The following TUBGCP3 variants were observed in gnomAD, a reference collection of about 807,000 sequenced individuals.
TUBGCP3 encodes the protein gamma-tubulin complex component 3.
A neutral mutation model predicts 123.1 loss-of-function variants in TUBGCP3; 50 were observed. That is an observed-to-expected ratio of 0.41 (90% CI 0.32 to 0.51). The LOEUF (loss-of-function observed/expected upper bound fraction) is 0.51. Among genes scored for constraint, TUBGCP3 ranks in the 20% least tolerant of loss-of-function variants. The probability of loss-of-function intolerance (pLI) is 0.36; values close to 1 mark genes in which losing one functional copy is unlikely to be tolerated. For synonymous variants in TUBGCP3, 405 were observed against 413.9 expected, an observed-to-expected ratio of 0.98 and a Z score of 0.26; for missense variants, 882 against 1,127.0, an observed-to-expected ratio of 0.78 and a Z score of 3.11.
chr13:112,579,174 A>ACC (rs1376655945), intron 1 of TUBGCP3, among the ~76,000 whole-genome samples: 1 of 152,178 alleles, frequency 6.6e-6, no homozygotes, highest in Non-Finnish European at 1.5e-5. Context: ...ACACACACAC[A>ACC]AAGATGTTCA....
rs147267451 is a variant in TUBGCP3 at position 112,586,652 on chromosome 13, C to T, written c.76+1253G>A. 3.9e-5 allele frequency among the ~76,000 whole-genome samples: 6 copies of T among 152,248 alleles called. No individual in the cohort carries two copies. The East Asian group carries it at 1.2e-3, about 29-fold the overall frequency. On this transcript the variant is annotated intron_variant, in intron 1 of 21. Coordinates refer to ENST00000261965, the MANE Select transcript of TUBGCP3 (RefSeq NM_006322.6). ...CTCACCTGCCTCTTCCCTCTCTATT[C>T]CTTTACCCTACTTTTTCGCCACAGT...
At chr13:112,563,788 T>C (rs1257881504) in intron 3 of TUBGCP3, among the ~76,000 whole-genome samples, 3 of 150,510 alleles carry the variant, frequency 2.0e-5, no homozygotes, top group Non-Finnish European at 4.4e-5. Flanking sequence ...GGCAGGAGAA[T>C]GGCGTGAACC....
chr13:112,590,228 G>A (rs1286083843), upstream of TUBGCP3, among the ~76,000 whole-genome samples: 1 of 151,998 alleles, frequency 6.6e-6, no homozygotes, highest in African/African-American at 2.4e-5. Flanking sequence ...TGCCCGCCTC[G>A]GCCTCCCAAA....
intron 11 of TUBGCP3, among the ~76,000 whole-genome samples, chr13:112,536,632 A>T (rs1238645774): frequency 1.3e-5 from 2 of 152,304 alleles, no homozygotes; most frequent in Non-Finnish European, 2.9e-5. Flanking sequence ...GATTTTTGTT[A>T]TTGAGCTTGT....
chr13:112,560,540 CA>C (rs976195415), intron 3 of TUBGCP3, among the ~76,000 whole-genome samples: 8 of 152,184 alleles, frequency 5.3e-5, no homozygotes, highest in Non-Finnish European at 1.0e-4. Context: ...TTGTGTATCA[CA>C]CCAGTCTGAT....
chr13:112,488,282 C>T (rs888841987), intron 21 of TUBGCP3, among the ~76,000 whole-genome samples: 2 of 152,056 alleles, frequency 1.3e-5, no homozygotes, highest in African/African-American at 4.8e-5. Context: ...CTTGATGCTC[C>T]ATGATTAGTG....
rs1876462351 is a variant in TUBGCP3, at chr13:112,519,825, ACCCCGGC to A, written c.1881+54_1881+60del. The A allele has an allele frequency of 1.9e-6, 3 of 1,558,194 alleles. No homozygotes were observed. In the Admixed American group the frequency reaches 5.7e-5, roughly 30 times the overall value. On this transcript the variant is annotated intron_variant, in intron 15 of 21. Transcript: ENST00000261965. This position sits in a 1 kb window ranked among gnomAD's most constrained non-coding sequence, Gnocchi z 6.2. ...CAACATGGAAAACACTCGCTAGAACACCCCGGCCCAGTGGGTCCTCGGTGCCGGGGCG... is the reference window on the plus strand; with the variant it reads ...CAACATGGAAAACACTCGCTAGAACACCAGTGGGTCCTCGGTGCCGGGGCG...
chr13:112,597,875 G>A, the TUBGCP3 span, among the ~76,000 whole-genome samples: 1 of 152,094 alleles, frequency 6.6e-6, no homozygotes, highest in Non-Finnish European at 1.5e-5. Flanking sequence ...GAGAGAAAAT[G>A]TGTCAGAGAC....
chr13:112,499,303 G>C (rs17690363), intron 19 of TUBGCP3, 118 bp from the exon 20 acceptor site: 128 of 1,276,024 alleles, frequency 1.0e-4, no homozygotes, highest in Non-Finnish European at 1.3e-4. Context: ...AATTCCCAAA[G>C]TGTTCATTAG....
chr13:112,553,907 A>G (rs537302732), intron 8 of TUBGCP3, 150 bp downstream of exon 8: 2 of 1,213,560 alleles, frequency 1.6e-6, no homozygotes, highest in African/African-American at 3.0e-5. Context: ...TGTGGTTTCT[A>G]CTGTCTTGAG....
the TUBGCP3 span, among the ~76,000 whole-genome samples, chr13:112,594,473 GA>G: frequency 6.6e-6 from 1 of 152,158 alleles, no homozygotes; most frequent in Non-Finnish European, 1.5e-5. Context: ...TTCACAACCT[GA>G]TAAAGGTCAT....
chr13:112,488,641 G>A (rs1189703665), intron 21 of TUBGCP3, among the ~76,000 whole-genome samples: 1 of 150,274 alleles, frequency 6.7e-6, no homozygotes, highest in Non-Finnish European at 1.5e-5. Context: ...GAGCACAGGG[G>A]TCACCCCCAG....
intron 14 of TUBGCP3, chr13:112,521,546 T>A (rs185998278): frequency 9.3e-6 from 4 of 431,564 alleles, no homozygotes; most frequent in African/African-American, 8.6e-5. Context: ...GCAAGCTTTC[T>A]AGTCTGTGAT....
rs190470369 is a variant in TUBGCP3 at position 112,520,644 on chromosome 13, G to A, written c.1746-623C>T. Among the ~76,000 whole-genome samples the A allele has an allele frequency of 8.5e-5, 13 of 152,304 alleles. No individual in the cohort carries two copies. In the East Asian group the frequency reaches 2.5e-3, roughly 29 times the overall value. ...TCAGACTGGCCTATGAGTAGCATGAGCTGATATAATTTCCTTTTAGACCCA... is the reference window on the plus strand; with the variant it reads ...TCAGACTGGCCTATGAGTAGCATGAACTGATATAATTTCCTTTTAGACCCA... On this transcript the variant is annotated intron_variant, in intron 14 of 21. Transcript: ENST00000261965.
chr13:112,507,224 G>A (rs555781364), intron 17 of TUBGCP3, among the ~76,000 whole-genome samples: 8 of 152,252 alleles, frequency 5.3e-5, no homozygotes, highest in Middle Eastern at 3.4e-3. Flanking sequence ...CACGACTCGC[G>A]GGTCTCACCC....
At chr13:112,516,186 T>C (rs1876108044) in intron 17 of TUBGCP3, among the ~76,000 whole-genome samples, 1 of 152,232 alleles carries the variant, frequency 6.6e-6, no homozygotes, top group Admixed American at 6.5e-5. Flanking sequence ...GTTAAAACAC[T>C]GTATGGATTT....
At chr13:112,521,949 T>C (rs1876660551) in intron 14 of TUBGCP3, 2 of 551,086 alleles carry the variant, frequency 3.6e-6, no homozygotes, top group Non-Finnish European at 2.3e-6. Flanking sequence ...TAACTACAAA[T>C]ATAAAAGTAA....
intron 11 of TUBGCP3, among the ~76,000 whole-genome samples, chr13:112,538,959 G>C (rs1325166874): frequency 6.6e-6 from 1 of 152,120 alleles, no homozygotes; most frequent in Non-Finnish European, 1.5e-5. Flanking sequence ...TTAATACTTA[G>C]AGTAAATTAA....
At chr13:112,553,817 C>T (rs552094351) in intron 8 of TUBGCP3, among the ~76,000 whole-genome samples, 1 of 152,338 alleles carries the variant, frequency 6.6e-6, no homozygotes, top group Admixed American at 6.5e-5. Context: ...AGCTCTGTCT[C>T]ACCATTTTCT....
Sources: gnomAD v4.1 joint callset for allele counts (sites outside exome capture counted in the v4.1 genomes callset) on GRCh38, gnomAD v4.1.1 for gene constraint, Gnocchi (gnomAD v3.1) non-coding constraint, MANE v1.5 for transcripts, NCBI Gene and HGNC (gene_info 2026-07-23, HGNC 2026-07-21) for gene names.